Variants in GATAD1 observed in about 807,000 individuals in gnomAD.
The protein encoded by GATAD1 is GATA zinc finger domain containing 1, also known as GATA zinc finger domain-containing protein 1.
GATAD1 carries 12 observed loss-of-function variants against 26.5 expected under a neutral mutation model. The ratio of observed to expected loss-of-function variants is 0.45; its 90% CI spans 0.29 to 0.73. GATAD1 has a LOEUF of 0.73. Ranked by LOEUF, GATAD1 falls within the 30% of genes least tolerant of loss-of-function variation. The pLI is 0.10. For synonymous variants in GATAD1, 129 were observed against 133.1 expected (o/e 0.97, Z 0.21); for missense variants, 266 against 342.1 (o/e 0.78, Z 1.75).
the GATAD1 span, chr7:92,493,241 T>A: frequency 1.6e-6 from 1 of 637,876 alleles, no homozygotes; most frequent in Non-Finnish European, 2.6e-6. Flanking sequence ...CTAAAAAGCT[T>A]TATAAGTAAG....
chr7:92,469,815 G>T, the GATAD1 span: 2 of 768,636 alleles, frequency 2.6e-6, no homozygotes, highest in South Asian at 2.7e-5. Flanking sequence ...TCAGGGGGAG[G>T]CATATCCAAC....
chr7:92,447,521 TCCTGGCCTCCG>T lies in GATAD1; in HGVS notation c.-204_-194del. On this transcript the variant is annotated 5_prime_UTR_variant, in exon 1 of 5. Coordinates refer to ENST00000287957, the MANE Select transcript of GATAD1 (RefSeq NM_021167.5). ...CTTCCCAGTGCCTCGGGCCAGGGAA[TCCTGGCCTCCG>T]CCTGCGGAGCCGGCGGAACCCGCTT... The T allele has an allele frequency of 2.1e-6, 1 of 465,656 alleles. No homozygotes were observed. The highest frequency in any genetic ancestry group is 3.4e-6 in the Non-Finnish European group (1 of 290,880). The allele number at this position is 465,656 out of a possible 1,614,324, so 28.8% of individuals were successfully genotyped here. A position where few individuals can be genotyped will look rare whatever the true frequency, so the allele number is the denominator to read the frequency against.
At chr7:92,469,342 T>C in the GATAD1 span, 4 of 765,080 alleles carry the variant, frequency 5.2e-6, no homozygotes, top group African/African-American at 6.8e-5. Flanking sequence ...TAGTTTGTAG[T>C]AGAACTGAGT....
At chr7:92,455,016 G>T (rs934765004) in intron 4 of GATAD1, among the ~76,000 whole-genome samples, 1 of 151,174 alleles carries the variant, frequency 6.6e-6, no homozygotes, top group African/African-American at 2.4e-5. Context: ...CACCCTTATG[G>T]TTTCATTTAA....
At chr7:92,465,301 C>G in the GATAD1 span, 1 of 152,194 alleles carries the variant, frequency 6.6e-6, no homozygotes, top group African/African-American at 2.4e-5. Context: ...TACATAGTTT[C>G]ATTTTCTTTC....
the GATAD1 span, among the ~76,000 whole-genome samples, chr7:92,488,549 A>T: frequency 6.6e-6 from 1 of 152,172 alleles, no homozygotes; most frequent in Non-Finnish European, 1.5e-5. Flanking sequence ...CCAATGTATA[A>T]CAAATGTGGT....
At chr7:92,493,937 CT>C in the GATAD1 span, 17 of 277,436 alleles carry the variant, frequency 6.1e-5, no homozygotes, top group Non-Finnish European at 1.1e-4. Context: ...TGCTTACATG[CT>C]TACGATTCAC....
chr7:92,451,970 A>G (rs915713847), intron 3 of GATAD1, among the ~76,000 whole-genome samples: 1 of 152,228 alleles, frequency 6.6e-6, no homozygotes, highest in Non-Finnish European at 1.5e-5. Flanking sequence ...GTGACTGGCT[A>G]TGTGACGAGG....
chr7:92,469,168 C>T, the GATAD1 span: 4 of 710,840 alleles, frequency 5.6e-6, no homozygotes, highest in South Asian at 5.8e-5. Context: ...AACATAATAA[C>T]AGCATTCTTC....
At chr7:92,483,037 G>A in the GATAD1 span, among the ~76,000 whole-genome samples, 8 of 152,160 alleles carry the variant, frequency 5.3e-5, no homozygotes, top group South Asian at 2.1e-4. Flanking sequence ...TGAAGTGATC[G>A]GGCAGTGTCA....
At chr7:92,477,149 C>G in the GATAD1 span, among the ~76,000 whole-genome samples, 1 of 152,144 alleles carries the variant, frequency 6.6e-6, no homozygotes, top group African/African-American at 2.4e-5. Context: ...AGTCGGCCCT[C>G]GGCTTCCCCA....
chr7:92,488,098 A>C, the GATAD1 span, among the ~76,000 whole-genome samples: 3 of 152,232 alleles, frequency 2.0e-5, no homozygotes, highest in African/African-American at 7.2e-5. Context: ...TGGCATAGCT[A>C]CACTATAAAA....
At chr7:92,473,960 G>A in the GATAD1 span, among the ~76,000 whole-genome samples, 2 of 152,118 alleles carry the variant, frequency 1.3e-5, no homozygotes, top group Non-Finnish European at 2.9e-5. Context: ...GGGCCTTCCA[G>A]TGATTCCCTT....
chr7:92,489,708 C>T, the GATAD1 span: 1 of 1,610,490 alleles, frequency 6.2e-7, no homozygotes, highest in Non-Finnish European at 8.5e-7. Context: ...GGGGAAAAAG[C>T]CATACTCCAC....
At chr7:92,464,181 A>G (rs1585181337), downstream of GATAD1, among the ~76,000 whole-genome samples, 1 of 152,202 alleles carries the variant, frequency 6.6e-6, no homozygotes, top group African/African-American at 2.4e-5. Flanking sequence ...CTTGATTCTT[A>G]TAATTTAAAA....
chr7:92,486,272 A>G, the GATAD1 span, among the ~76,000 whole-genome samples: 3 of 152,288 alleles, frequency 2.0e-5, no homozygotes, highest in Admixed American at 2.0e-4. Flanking sequence ...GCAGGCAGCA[A>G]TTTGTCCTTC....
At chr7:92,482,329 G>A in the GATAD1 span, among the ~76,000 whole-genome samples, 2 of 152,302 alleles carry the variant, frequency 1.3e-5, no homozygotes, top group Non-Finnish European at 2.9e-5. Context: ...AAGAGTGTAC[G>A]AGTTGGGTGC....
downstream of GATAD1, among the ~76,000 whole-genome samples, chr7:92,460,322 G>T (rs757484724): frequency 1.6e-4 from 25 of 152,192 alleles, no homozygotes; most frequent in Non-Finnish European, 3.1e-4. Context: ...GATGTTTGAA[G>T]AACTGTGCTG....
the GATAD1 span, among the ~76,000 whole-genome samples, chr7:92,467,224 C>T: frequency 6.6e-6 from 1 of 151,932 alleles, no homozygotes; most frequent in Non-Finnish European, 1.5e-5. Context: ...GAGGTTGAGG[C>T]AGGAGAATCA....
Sources: allele counts gnomAD v4.1 joint callset (sites outside exome capture counted in the v4.1 genomes callset), GRCh38; gene constraint gnomAD v4.1.1; transcripts MANE v1.5; gene names NCBI Gene and HGNC (gene_info 2026-07-23, HGNC 2026-07-21).